Variants in FAM174B observed in about 807,000 individuals in gnomAD.
FAM174B encodes family with sequence similarity 174 member B, also known as membrane protein FAM174B.
In FAM174B, 12 loss-of-function variants were observed where a neutral mutation model predicts 10.9. The observed-to-expected ratio is 1.10, with a 90% CI of 0.71 to 1.79. The LOEUF (loss-of-function observed/expected upper bound fraction) is 1.79. Among genes scored for constraint, FAM174B ranks in the 40% most tolerant of loss-of-function variants. The pLI is 0.00. For synonymous variants in FAM174B, 132 were observed against 115.8 expected (o/e 1.14, Z -0.90); for missense variants, 266 against 233.3 (o/e 1.14, Z -0.91).
At chr15:92,650,350 C>A (rs1005740763) in intron 1 of FAM174B, among the ~76,000 whole-genome samples, 1 of 152,188 alleles carries the variant, frequency 6.6e-6, no homozygotes, top group Non-Finnish European at 1.5e-5. Flanking sequence ...AATGTCAGAC[C>A]GCTTAGAATT....
Position 92,640,520 on chromosome 15 carries a change from A to G in FAM174B, c.345-10175T>C, listed in dbSNP as rs147219731. ...TGAGTGGAGATCGTGCCACTGCACT[A>G]CAGCCTGGATGACAAAGTGAGACTC... On this transcript the variant is annotated intron_variant, in intron 1 of 2. Transcript: ENST00000327355. Among the ~76,000 whole-genome samples the G allele has an allele frequency of 7.4e-3, 913 of 123,032 alleles. 4 individuals are homozygous for G. Among genetic ancestry groups the G allele is most frequent in the Non-Finnish European group, 0.012 (741 of 62,138 alleles). The allele number at this position is 123,032 out of a possible 152,430, so 80.7% of individuals were successfully genotyped here.
At chr15:92,622,722 A>C (rs1443268953) in intron 2 of FAM174B, among the ~76,000 whole-genome samples, 1 of 152,226 alleles carries the variant, frequency 6.6e-6, no homozygotes, top group East Asian at 1.9e-4. Flanking sequence ...TGCTCCCTGC[A>C]TGTTGAGCCA....
At position 92,652,885 on chromosome 15, in the gene FAM174B, T is replaced by C. The variant is rs1396031699; in HGVS notation, c.344+2431A>G. On this transcript the variant is annotated intron_variant, in intron 1 of 2. Coordinates refer to ENST00000327355, the MANE Select transcript of FAM174B (RefSeq NM_207446.3). ...GACTAACCAAGGTTACAGGGGAGCG[T>C]GGGACAGGGGAAAGGCCACAGTACA... Among the ~76,000 whole-genome samples, 5 of 152,016 alleles carry C rather than the reference T, an allele frequency of 3.3e-5. No homozygotes were observed. The East Asian group carries it at 9.7e-4, about 29-fold the overall frequency.
chr15:92,619,335 C>G lies in FAM174B; in HGVS notation c.*121G>C. The G allele has an allele frequency of 9.2e-7, 1 of 1,087,812 alleles. No homozygotes were observed. The highest frequency in any genetic ancestry group is 1.8e-5 in the Admixed American group (1 of 54,792). The allele number at this position is 1,087,812 out of a possible 1,614,324, so 67.4% of individuals were successfully genotyped here. A position where few individuals can be genotyped will look rare whatever the true frequency, so the allele number is the denominator to read the frequency against. ...CGCACGATGGAGCTGGGGTTTTATA[C>G]ATAACGTTCGTTTTGGTTTCAACAC... On this transcript the variant is annotated 3_prime_UTR_variant, in exon 3 of 3. Transcript: ENST00000327355.
intron 1 of FAM174B, among the ~76,000 whole-genome samples, chr15:92,648,201 G>A (rs1420342335): frequency 6.6e-6 from 1 of 152,078 alleles, no homozygotes; most frequent in African/African-American, 2.4e-5. Flanking sequence ...TGACCACCTC[G>A]GGCCCACGTT....
In FAM174B at chr15:92,618,388, C is replaced by G. The variant is rs1426263813; in HGVS notation, c.*1068G>C. On this transcript the variant is annotated 3_prime_UTR_variant, in exon 3 of 3. Coordinates refer to ENST00000327355, the MANE Select transcript of FAM174B (RefSeq NM_207446.3). ...ATGTCACAGGCAAGTCCTCACTTCA[C>G]CAGCTCAGAGGTGAGCCACTCTCAC... 6.6e-6 allele frequency: 1 copy of G among 152,510 alleles called. No individual in the cohort carries two copies. The highest frequency in any genetic ancestry group is 1.5e-5 in the Non-Finnish European group (1 of 68,216). 9.4% of individuals were successfully genotyped at this position (152,510 alleles called of 1,614,324 possible). A position where few individuals can be genotyped will look rare whatever the true frequency, so the allele number is the denominator to read the frequency against.
rs1246976896 is a variant in FAM174B, at chr15:92,631,389, T to A, written c.345-1044A>T. ...ATATTATATATAATATATTATATATTATATATTATATTATATTATATATAA... is the reference window on the plus strand; with the variant it reads ...ATATTATATATAATATATTATATATAATATATTATATTATATTATATATAA... On this transcript the variant is annotated intron_variant, in intron 1 of 2. Transcript: ENST00000327355. 3.5e-4 allele frequency among the ~76,000 whole-genome samples: 12 copies of A among 34,638 alleles called. 2 individuals are homozygous for A. Among genetic ancestry groups the A allele is most frequent in the South Asian group, 7.3e-4 (1 of 1,368 alleles). 22.7% of individuals were successfully genotyped at this position (34,638 alleles called of 152,430 possible). A position where few individuals can be genotyped will look rare whatever the true frequency, so the allele number is the denominator to read the frequency against.
chr15:92,624,085 A>C (rs565144906), intron 2 of FAM174B, among the ~76,000 whole-genome samples: 1 of 152,296 alleles, frequency 6.6e-6, no homozygotes. Context: ...CCTAAATGAA[A>C]ATTGCCCGCA....
Position 92,618,855 on chromosome 15 carries a change from A to AT in FAM174B, c.*600_*601insA, listed in dbSNP as rs2050698978. 13 of 185,170 alleles carry AT rather than the reference A, an allele frequency of 7.0e-5. No homozygotes were observed. The highest frequency in any genetic ancestry group is 1.4e-4 in the East Asian group (1 of 7,126). The allele number at this position is 185,170 out of a possible 1,614,324, so 11.5% of individuals were successfully genotyped here. A position where few individuals can be genotyped will look rare whatever the true frequency, so the allele number is the denominator to read the frequency against. On this transcript the variant is annotated 3_prime_UTR_variant, in exon 3 of 3. Transcript: ENST00000327355. ...TTTTTTTTTTTAAAAAAAAAAAAAA[A>AT]GGAAGAAAGAAAAGGAGCCACAGAC...
At position 92,630,235 on chromosome 15, in the gene FAM174B, G is replaced by A. The variant is rs746033843; in HGVS notation, c.455C>T (p.Thr152Ile). ...GTACCTGTATTTGATGTCGAATACT[G>A]TGGAGTCCTCATCTTCATCATCCTC... Reference protein sequence around the residue: ...NEEDDEDEDSTVFDIKYR With the variant: ...NEEDDEDEDSIVFDIKYR Residue 152 changes from threonine (T) to isoleucine (I), a missense_variant, in exon 2 of 3, where the codon ACA becomes ATA. Transcript: ENST00000327355. The A allele has an allele frequency of 3.1e-6, 5 of 1,613,788 alleles. No individual in the cohort carries two copies. Among genetic ancestry groups the A allele is most frequent in the Non-Finnish European group, 4.2e-6 (5 of 1,179,798 alleles).
At chr15:92,628,224 G>A (rs1177798158) in intron 2 of FAM174B, among the ~76,000 whole-genome samples, 2 of 151,464 alleles carry the variant, frequency 1.3e-5, no homozygotes, top group African/African-American at 2.4e-5. Flanking sequence ...GAGTGCAGTG[G>A]CATGTTCATG....
At chr15:92,644,813 G>A (rs925922777) in intron 1 of FAM174B, among the ~76,000 whole-genome samples, 1 of 152,236 alleles carries the variant, frequency 6.6e-6, no homozygotes, top group African/African-American at 2.4e-5. Context: ...GCCCAGCCTA[G>A]GTGGAGTGGC....
chr15:92,644,843 G>A (rs1014500644), intron 1 of FAM174B, among the ~76,000 whole-genome samples: 13 of 152,196 alleles, frequency 8.5e-5, no homozygotes, highest in Non-Finnish European at 1.3e-4. Context: ...GCTCCTGCCC[G>A]GCTGCCCCGG....
chr15:92,629,419 A>G (rs745921384), intron 2 of FAM174B, among the ~76,000 whole-genome samples: 6 of 152,194 alleles, frequency 3.9e-5, no homozygotes, highest in Non-Finnish European at 7.4e-5. Flanking sequence ...TGTGGAGCTC[A>G]TCGGTAAACT....
Position 92,619,037 on chromosome 15 carries a change from G to A in FAM174B, c.*419C>T, listed in dbSNP as rs891143462. Reference sequence around the variant, plus strand: ...GTAGATCCAGTAGAGAAGAATGTCGGAAATTCTAAATACACAGTTGGACAT... The same window carrying A: ...GTAGATCCAGTAGAGAAGAATGTCGAAAATTCTAAATACACAGTTGGACAT... On this transcript the variant is annotated 3_prime_UTR_variant, in exon 3 of 3. Transcript: ENST00000327355. 1 of 525,700 alleles carries A rather than the reference G, an allele frequency of 1.9e-6. No individual in the cohort carries two copies. The allele number at this position is 525,700 out of a possible 1,614,324, so 32.6% of individuals were successfully genotyped here. A position where few individuals can be genotyped will look rare whatever the true frequency, so the allele number is the denominator to read the frequency against.
intron 1 of FAM174B, among the ~76,000 whole-genome samples, chr15:92,651,785 G>A (rs1451623790): frequency 6.6e-6 from 1 of 152,228 alleles, no homozygotes; most frequent in Admixed American, 6.5e-5. Flanking sequence ...TAGAAGCAAA[G>A]AATATATAGT....
chr15:92,636,300 T>TG (rs1226774524), intron 1 of FAM174B, among the ~76,000 whole-genome samples: 1 of 151,900 alleles, frequency 6.6e-6, no homozygotes, highest in Non-Finnish European at 1.5e-5. Context: ...GGTGACAGAG[T>TG]GAGACCCTGA....
At chr15:92,635,097 C>CCCCT (rs1555421445) in intron 1 of FAM174B, among the ~76,000 whole-genome samples, 8 of 93,246 alleles carry the variant, frequency 8.6e-5, no homozygotes, top group South Asian at 7.4e-4. Context: ...TTACGATAAG[C>CCCCT]CTCTCTCTCT....
At chr15:92,628,864 A>G (rs1219514598) in intron 2 of FAM174B, among the ~76,000 whole-genome samples, 1 of 152,250 alleles carries the variant, frequency 6.6e-6, no homozygotes, top group Non-Finnish European at 1.5e-5. Context: ...ATATCTTAAC[A>G]AAAATGTATA....
Sources: gnomAD v4.1 joint callset for allele counts (sites outside exome capture counted in the v4.1 genomes callset) on GRCh38, gnomAD v4.1.1 for gene constraint, MANE v1.5 for transcripts, NCBI Gene and HGNC (gene_info 2026-07-23, HGNC 2026-07-21) for gene names.